CEP112: variants seen among roughly 807,000 people sequenced by gnomAD.
CEP112 encodes the protein centrosomal protein of 112 kDa.
A neutral mutation model predicts 153.0 loss-of-function variants in CEP112; 127 were observed. The ratio of observed to expected loss-of-function variants is 0.83; its 90% confidence interval spans 0.72 to 0.96. The LOEUF (loss-of-function observed/expected upper bound fraction) is 0.96. Among genes scored for constraint, CEP112 ranks in the 40% least tolerant of loss-of-function variants. The probability of loss-of-function intolerance (pLI) is 0.00; values close to 1 mark genes in which losing one functional copy is unlikely to be tolerated. For synonymous variants in CEP112, 358 were observed against 374.4 expected (o/e 0.96, Z 0.51); for missense variants, 1,089 against 1,101.2 (o/e 0.99, Z 0.16).
intron 21 of CEP112, among the ~76,000 whole-genome samples, chr17:65,782,233 CAT>C (rs1279469916): frequency 6.6e-6 from 1 of 151,950 alleles, no homozygotes; most frequent in East Asian, 1.9e-4. Context: ...GGCCAACAAA[CAT>C]ATGAAAAAAA....
chr17:65,642,291 C>T (rs959303032), intron 24 of CEP112, among the ~76,000 whole-genome samples: 22 of 152,142 alleles, frequency 1.4e-4, no homozygotes, highest in Admixed American at 2.6e-4. Context: ...ATTCATCATA[C>T]GCACCTGGAA....
intron 21 of CEP112, among the ~76,000 whole-genome samples, chr17:65,783,589 T>A (rs768649054): frequency 3.9e-5 from 6 of 152,176 alleles, no homozygotes; most frequent in Non-Finnish European, 7.4e-5. Flanking sequence ...TAAAAATAAA[T>A]AAAATAAAAT....
At chr17:65,864,171 C>T (rs2058406821) in intron 20 of CEP112, among the ~76,000 whole-genome samples, 1 of 151,138 alleles carries the variant, frequency 6.6e-6, no homozygotes. Flanking sequence ...CTCCTGGGAA[C>T]TCTGGATTTG....
At chr17:65,889,877 T>C (rs2059403250) in intron 20 of CEP112, among the ~76,000 whole-genome samples, 2 of 152,116 alleles carry the variant, frequency 1.3e-5, no homozygotes, top group African/African-American at 4.8e-5. Flanking sequence ...TGACTCTAAC[T>C]AGTCACCCAG....
At chr17:65,812,569 T>C (rs2056039399) in intron 21 of CEP112, among the ~76,000 whole-genome samples, 1 of 152,146 alleles carries the variant, frequency 6.6e-6, no homozygotes, top group African/African-American at 2.4e-5. Flanking sequence ...AGTCAGCCCG[T>C]TTATAATTGA....
chr17:65,971,632 A>AT (rs1555740799), intron 17 of CEP112, among the ~76,000 whole-genome samples: 2 of 150,710 alleles, frequency 1.3e-5, no homozygotes, highest in Admixed American at 6.7e-5. Context: ...TCCCATGCAT[A>AT]TTGCGTTATA....
At chr17:65,969,064 G>GT (rs1280412339) in intron 17 of CEP112, among the ~76,000 whole-genome samples, 7 of 134,548 alleles carry the variant, frequency 5.2e-5, no homozygotes, top group Non-Finnish European at 7.8e-5. Context: ...TCAGTTTTTT[G>GT]TTTTTTTGTG....
intron 19 of CEP112, among the ~76,000 whole-genome samples, chr17:65,913,050 A>C (rs561835250): frequency 2.6e-5 from 4 of 152,364 alleles, no homozygotes; most frequent in Admixed American, 6.5e-5. Flanking sequence ...CATACTAAGA[A>C]ACAGGCAACA....
intron 15 of CEP112, among the ~76,000 whole-genome samples, chr17:66,027,897 G>C (rs1362540863): frequency 6.6e-6 from 1 of 151,880 alleles, no homozygotes; most frequent in Non-Finnish European, 1.5e-5. Flanking sequence ...ACAGTCCTTG[G>C]TATTTTTTGA....
intron 21 of CEP112, among the ~76,000 whole-genome samples, chr17:65,835,727 A>G (rs1273462430): frequency 6.6e-6 from 1 of 152,228 alleles, no homozygotes; most frequent in African/African-American, 2.4e-5. Context: ...GGAGTTTTTC[A>G]ATCAGCAAGA....
At chr17:65,984,226 C>T (rs1389526899) in intron 17 of CEP112, among the ~76,000 whole-genome samples, 1 of 152,030 alleles carries the variant, frequency 6.6e-6, no homozygotes, top group Admixed American at 6.6e-5. Flanking sequence ...TTTGATTGCA[C>T]AGAGAACATA....
At chr17:66,017,710 C>A (rs1335913931) in intron 16 of CEP112, among the ~76,000 whole-genome samples, 2 of 151,950 alleles carry the variant, frequency 1.3e-5, no homozygotes. Context: ...AAAAAAAAAT[C>A]CTTGTTTGTG....
intron 24 of CEP112, among the ~76,000 whole-genome samples, chr17:65,662,369 C>T (rs1405729728): frequency 6.6e-6 from 1 of 152,176 alleles, no homozygotes; most frequent in Admixed American, 6.6e-5. Context: ...CAAGAGGCTG[C>T]ATCTTCTAAT....
At chr17:65,937,545 C>A (rs1376118832) in intron 18 of CEP112, among the ~76,000 whole-genome samples, 59 of 109,816 alleles carry the variant, frequency 5.4e-4, no homozygotes, top group Middle Eastern at 4.6e-3. Context: ...GCCCGGCCAG[C>A]CGCCCCGTCC....
intron 9 of CEP112, among the ~76,000 whole-genome samples, chr17:66,067,405 A>G (rs2067163292): frequency 6.6e-6 from 1 of 152,226 alleles, no homozygotes; most frequent in Non-Finnish European, 1.5e-5. Flanking sequence ...TAGCATAAAA[A>G]TAGCTGAAAT....
chr17:66,106,676 T>A (rs914135434), intron 6 of CEP112, among the ~76,000 whole-genome samples: 1 of 151,932 alleles, frequency 6.6e-6, no homozygotes, highest in East Asian at 1.9e-4. Flanking sequence ...AAGAAAAGCC[T>A]AGGACCCAAT....
Position 65,766,001 on chromosome 17 carries a change from A to T in CEP112, c.2395-15277T>A, listed in dbSNP as rs1437278084. ...GAACACAATAATTCTTTAGTAACTG[A>T]CCCCAAAGAAAAGAAAATGTATGAA... On this transcript the variant is annotated intron_variant, in intron 21 of 26. Coordinates refer to ENST00000535342, the MANE Select transcript of CEP112 (RefSeq NM_001199165.4). Among the ~76,000 whole-genome samples, 6 of 151,684 alleles carry T rather than the reference A, an allele frequency of 4.0e-5. No homozygotes were observed. In the South Asian group the frequency reaches 8.3e-4, roughly 21 times the overall value.
intron 6 of CEP112, among the ~76,000 whole-genome samples, chr17:66,126,670 C>A (rs777793598): frequency 1.3e-5 from 2 of 151,866 alleles, no homozygotes; most frequent in Non-Finnish European, 2.9e-5. Flanking sequence ...ATTATGTATT[C>A]CTAGAAAAAA....
chr17:65,824,008 T>C (rs2056720034), intron 21 of CEP112, among the ~76,000 whole-genome samples: 1 of 152,132 alleles, frequency 6.6e-6, no homozygotes, highest in African/African-American at 2.4e-5. Flanking sequence ...GAGTGCAAAA[T>C]TATGTAGCTA....
Sources: allele counts gnomAD v4.1 joint callset (sites outside exome capture counted in the v4.1 genomes callset), GRCh38; gene constraint gnomAD v4.1.1; transcripts MANE v1.5; gene names NCBI Gene and HGNC (gene_info 2026-07-23, HGNC 2026-07-21).